Variants in AVEN observed in about 807,000 individuals in gnomAD.
AVEN encodes the protein apoptosis and caspase activation inhibitor, also known as cell death regulator Aven.
In AVEN, 41 loss-of-function variants were observed where a neutral mutation model predicts 38.1. The ratio of observed to expected loss-of-function variants is 1.08; its 90% confidence interval spans 0.84 to 1.40. The LOEUF is 1.40. Ranked by LOEUF, AVEN falls within the 40% of genes most tolerant of loss-of-function variation. The probability of loss-of-function intolerance (pLI) is 0.00; values close to 1 mark genes in which losing one functional copy is unlikely to be tolerated. For missense variants in AVEN, 605 were observed against 438.8 expected, an observed-to-expected ratio of 1.38 and a Z score of -3.38; for synonymous variants, 206 against 171.8, an observed-to-expected ratio of 1.20 and a Z score of -1.56.
chr15:33,978,751 G>A (rs186788670), intron 2 of AVEN, among the ~76,000 whole-genome samples: 5 of 151,934 alleles, frequency 3.3e-5, no homozygotes, highest in Admixed American at 1.3e-4. Context: ...AACAGAATTC[G>A]GCCTTACTTT....
At chr15:34,040,499 A>G (rs1003846685), upstream of AVEN, among the ~76,000 whole-genome samples, 3 of 152,210 alleles carry the variant, frequency 2.0e-5, no homozygotes, top group African/African-American at 7.2e-5. Flanking sequence ...TAGAGCACTT[A>G]TATGCACCAA....
chr15:33,924,153 A>G (rs1249808157), intron 2 of AVEN, among the ~76,000 whole-genome samples: 1 of 151,940 alleles, frequency 6.6e-6, no homozygotes, highest in Non-Finnish European at 1.5e-5. Flanking sequence ...CCACTAATGC[A>G]TAGTATTTCT....
chr15:33,970,722 C>T (rs554096466), intron 2 of AVEN, among the ~76,000 whole-genome samples: 1 of 151,998 alleles, frequency 6.6e-6, no homozygotes, highest in South Asian at 2.1e-4. Flanking sequence ...GCTCAATTTG[C>T]TTCCAATAAA....
At chr15:33,920,187 G>A (rs536806795) in intron 2 of AVEN, among the ~76,000 whole-genome samples, 1 of 152,080 alleles carries the variant, frequency 6.6e-6, no homozygotes, top group East Asian at 1.9e-4. Context: ...TCTTAATTGT[G>A]GTAAAAATAC....
intron 2 of AVEN, among the ~76,000 whole-genome samples, chr15:33,994,391 T>C (rs148410327): frequency 3.3e-5 from 5 of 152,346 alleles, no homozygotes; most frequent in East Asian, 1.9e-4. Context: ...AGGACTCCCA[T>C]TGAGTCTACA....
intron 1 of AVEN, among the ~76,000 whole-genome samples, chr15:34,031,663 C>T (rs142053178): frequency 1.2e-4 from 19 of 152,212 alleles, no homozygotes; most frequent in Middle Eastern, 3.4e-3. Flanking sequence ...GTGCTGTTTG[C>T]ACACACACCA....
intron 2 of AVEN, among the ~76,000 whole-genome samples, chr15:33,932,252 A>G (rs960711161): frequency 1.3e-5 from 2 of 152,218 alleles, no homozygotes; most frequent in African/African-American, 4.8e-5. Flanking sequence ...GCAAGTTCAG[A>G]ACTACCATTT....
At chr15:34,038,196 T>C (rs1180131268) in intron 1 of AVEN, among the ~76,000 whole-genome samples, 2 of 152,330 alleles carry the variant, frequency 1.3e-5, no homozygotes, top group African/African-American at 4.8e-5. Flanking sequence ...AAAAGAGAAC[T>C]ACGCTATTAC....
At chr15:33,918,285 A>G (rs1893233752) in intron 2 of AVEN, among the ~76,000 whole-genome samples, 1 of 151,964 alleles carries the variant, frequency 6.6e-6, no homozygotes, top group Admixed American at 6.6e-5. Context: ...AAATAACCAT[A>G]AATTTTAAGC....
At position 34,047,357 on chromosome 15, in the gene AVEN, G is replaced by C. The variant is rs966746043; in HGVS notation, n.1637+15565C>G. 2.0e-5 allele frequency among the ~76,000 whole-genome samples: 3 copies of C among 152,238 alleles called. No homozygotes were observed. The South Asian group carries it at 6.2e-4, about 32-fold the overall frequency. ...CTCCCAAAGTGCTGGGATTACAGGC[G>C]TGAGCCACCGTGCCCGGCGGAGACC... On this transcript the variant is annotated intron_variant and non_coding_transcript_variant, in intron 5 of 11. Transcript: ENST00000675287.
intron 2 of AVEN, among the ~76,000 whole-genome samples, chr15:33,900,100 C>T (rs1339074595): frequency 6.6e-6 from 1 of 152,088 alleles, no homozygotes; most frequent in Non-Finnish European, 1.5e-5. Flanking sequence ...TTATGAATCA[C>T]CTTTTTTTTC....
chr15:33,987,174 A>G lies in AVEN; in HGVS notation c.445+15858T>C, dbSNP rs912828943. ...CAGTATTCTCACAACAAATTATGTG[A>G]GGATATTCTTTCCATCCCACTCCAC... On this transcript the variant is annotated intron_variant, in intron 2 of 5. Transcript: ENST00000306730. 2.6e-5 allele frequency among the ~76,000 whole-genome samples: 4 copies of G among 152,338 alleles called. No homozygotes were observed. The East Asian group carries it at 5.8e-4, about 22-fold the overall frequency.
At chr15:33,889,608 G>A (rs1195722216) in intron 2 of AVEN, among the ~76,000 whole-genome samples, 1 of 151,660 alleles carries the variant, frequency 6.6e-6, no homozygotes, top group East Asian at 1.9e-4. Context: ...AAAAAAATAC[G>A]CATCCAACTT....
At chr15:33,992,689 T>C (rs1207812110) in intron 2 of AVEN, among the ~76,000 whole-genome samples, 1 of 152,154 alleles carries the variant, frequency 6.6e-6, no homozygotes, top group Non-Finnish European at 1.5e-5. Flanking sequence ...GCTGAATCAA[T>C]GAGGACAAAT....
intron 2 of AVEN, among the ~76,000 whole-genome samples, chr15:33,943,763 T>G (rs1378928221): frequency 6.7e-6 from 1 of 148,972 alleles, no homozygotes; most frequent in Admixed American, 6.8e-5. Context: ...AGGCAGAGAT[T>G]GCTGTGACTT....
At chr15:33,914,052 A>T (rs1230309788) in intron 2 of AVEN, among the ~76,000 whole-genome samples, 1 of 152,234 alleles carries the variant, frequency 6.6e-6, no homozygotes, top group African/African-American at 2.4e-5. Context: ...AATAGCACAA[A>T]GAGCAGGGAG....
intron 2 of AVEN, among the ~76,000 whole-genome samples, chr15:33,940,939 C>G (rs1369951178): frequency 6.6e-6 from 1 of 152,208 alleles, no homozygotes. Context: ...GCTCTAAATG[C>G]TTCCTAATCC....
At chr15:34,039,856 G>A (rs370352998), upstream of AVEN, among the ~76,000 whole-genome samples, 411 of 152,298 alleles carry the variant, frequency 2.7e-3, 6 homozygotes, top group Middle Eastern at 0.017. Context: ...TGACTAAAGT[G>A]AATAACTAGG....
chr15:33,930,177 C>A (rs1455804912), intron 2 of AVEN, among the ~76,000 whole-genome samples: 1 of 152,188 alleles, frequency 6.6e-6, no homozygotes. Context: ...CTTCTGCCAT[C>A]TTTCTCCATC....
Sources: gnomAD v4.1 joint callset for allele counts (sites outside exome capture counted in the v4.1 genomes callset) on GRCh38, gnomAD v4.1.1 for gene constraint, MANE v1.5 for transcripts, NCBI Gene and HGNC (gene_info 2026-07-23, HGNC 2026-07-21) for gene names.